Variants in LAMA1 observed in about 807,000 individuals in gnomAD.
LAMA1 encodes the protein laminin subunit alpha-1.
In LAMA1, 219 loss-of-function variants were observed where a neutral mutation model predicts 348.7. That is an observed-to-expected ratio of 0.63 (90% CI 0.56 to 0.70). LAMA1 has a LOEUF of 0.70. Ranked by LOEUF, LAMA1 falls within the 30% of genes least tolerant of loss-of-function variation. The pLI is 0.00. For missense variants in LAMA1, 3,744 were observed against 3,888.0 expected (o/e 0.96, Z 0.99); for synonymous variants, 1,487 against 1,491.0 (o/e 1.00, Z 0.06).
At chr18:7,070,947 C>T (rs1008374245) in intron 3 of LAMA1, among the ~76,000 whole-genome samples, 1 of 149,302 alleles carries the variant, frequency 6.7e-6, no homozygotes, top group Non-Finnish European at 1.5e-5. Context: ...CCAATTCTAT[C>T]AGCCACTGCA....
chr18:7,001,891 T>G (rs944354547), intron 30 of LAMA1, among the ~76,000 whole-genome samples: 9 of 152,220 alleles, frequency 5.9e-5, no homozygotes, highest in African/African-American at 1.7e-4. Flanking sequence ...TTCCCTTATA[T>G]AAACTCTAAC....
At position 6,966,073 on chromosome 18, in the gene LAMA1, T is replaced by C. The variant is rs1290564373; in HGVS notation, c.7050+74A>G. 3.3e-6 allele frequency: 5 copies of C among 1,537,762 alleles called. No homozygotes were observed. The Admixed American group carries it at 8.5e-5, about 26-fold the overall frequency. ...TACATATTTAATTAGTAAATCCTCA[T>C]TAAACATAAACAACCACATAGCAAT... On this transcript the variant is annotated intron_variant, in intron 49 of 62. Coordinates refer to ENST00000389658, the MANE Select transcript of LAMA1 (RefSeq NM_005559.4).
chr18:7,055,086 C>T (rs1437029038), intron 3 of LAMA1, among the ~76,000 whole-genome samples: 3 of 151,660 alleles, frequency 2.0e-5, no homozygotes, highest in African/African-American at 7.3e-5. Flanking sequence ...TTGGCACTCC[C>T]AACCCTCAAG....
At chr18:7,069,457 C>G (rs924121007) in intron 3 of LAMA1, among the ~76,000 whole-genome samples, 4 of 152,174 alleles carry the variant, frequency 2.6e-5, no homozygotes, top group Non-Finnish European at 5.9e-5. Context: ...AGTTTTAAAA[C>G]AGGCCTCAAA....
intron 58 of LAMA1, 78 bp from the exon 59 acceptor site, chr18:6,949,337 G>A: frequency 2.2e-6 from 3 of 1,348,038 alleles, no homozygotes; most frequent in Admixed American, 1.7e-5. Flanking sequence ...TTTAACAGAT[G>A]CAACATCTGT....
Position 7,042,218 on chromosome 18 carries a change from G to C in LAMA1, c.1188C>G (p.Pro396=), listed in dbSNP as rs746208332. ...GGGACCCCACAGGGTCACAATTACA[G>C]GGGCGGCAAGGCTCATCCTCATAAG... ...VSPYEDEPCR[P]CNCDPVGSLS... is the part of the protein sequence containing the mutation. Residue 396 remains proline, a synonymous_variant, in exon 9 of 63, where the codon CCC becomes CCG. Coordinates refer to ENST00000389658, the MANE Select transcript of LAMA1 (RefSeq NM_005559.4). 1.2e-6 allele frequency: 2 copies of C among 1,611,726 alleles called. No individual in the cohort carries two copies. The highest frequency in any genetic ancestry group is 3.3e-5 in the Admixed American group (2 of 59,826).
At chr18:7,117,552 G>A (rs2058362715) in intron 1 of LAMA1, 108 bp downstream of exon 1, 5 of 1,192,836 alleles carry the variant, frequency 4.2e-6, no homozygotes, top group Non-Finnish European at 5.9e-6. Flanking sequence ...GGTGGATCAG[G>A]ATGCGCGCCC....
intron 3 of LAMA1, among the ~76,000 whole-genome samples, chr18:7,074,165 C>A (rs1208174286): frequency 6.6e-6 from 1 of 152,104 alleles, no homozygotes; most frequent in Non-Finnish European, 1.5e-5. Flanking sequence ...TAACACTGTG[C>A]CATTTTACAT....
chr18:6,964,978 A>C (rs896499250), intron 50 of LAMA1, among the ~76,000 whole-genome samples, 175 bp from the exon 51 acceptor site: 6 of 152,234 alleles, frequency 3.9e-5, no homozygotes, highest in East Asian at 1.9e-4. Context: ...CCTCTCTATC[A>C]AAGTCAATAC....
intron 3 of LAMA1, among the ~76,000 whole-genome samples, chr18:7,078,986 A>AAAAAATAAAAAAT (rs1036088525): frequency 5.9e-5 from 9 of 152,110 alleles, no homozygotes; most frequent in Non-Finnish European, 1.2e-4. Flanking sequence ...ACTTTGTCTC[A>AAAAAATAAAAAAT]AAAAATAAAA....
chr18:7,027,800 G>A (rs500515), intron 16 of LAMA1, among the ~76,000 whole-genome samples: 2,714 of 152,090 alleles, frequency 0.018, 79 homozygotes, highest in African/African-American at 0.061. Flanking sequence ...AAAATTAGCC[G>A]GGCGTGGTGG....
chr18:6,959,770 A>G (rs1462872958), intron 53 of LAMA1: 5 of 401,614 alleles, frequency 1.2e-5, no homozygotes, highest in Non-Finnish European at 2.3e-5. Flanking sequence ...ATTAGATACC[A>G]ATAAGTAGAT....
Position 7,016,689 on chromosome 18 carries a change from G to T in LAMA1, c.2809-18C>A. Reference sequence around the variant, plus strand: ...TAGCCATGCTGTTTCACCAAAGGGGGAGAAAGTGGAAACCAACATACGTTT... The same window carrying T: ...TAGCCATGCTGTTTCACCAAAGGGGTAGAAAGTGGAAACCAACATACGTTT... On this transcript the variant is annotated intron_variant, in intron 20 of 62. Coordinates refer to ENST00000389658, the MANE Select transcript of LAMA1 (RefSeq NM_005559.4). The T allele has an allele frequency of 6.2e-7, 1 of 1,603,268 alleles. No homozygotes were observed. Among genetic ancestry groups the T allele is most frequent in the Non-Finnish European group, 8.5e-7 (1 of 1,174,730 alleles).
At chr18:7,088,174 G>A (rs1205811682) in intron 1 of LAMA1, among the ~76,000 whole-genome samples, 3 of 152,118 alleles carry the variant, frequency 2.0e-5, no homozygotes, top group East Asian at 1.9e-4. Flanking sequence ...TCAGCTCAGG[G>A]GCTCGTCAAG....
At position 7,098,360 on chromosome 18, in the gene LAMA1, T is replaced by G. The variant is rs1307302304; in HGVS notation, c.62-17903A>C. Among the ~76,000 whole-genome samples, 4 of 148,598 alleles carry G rather than the reference T, an allele frequency of 2.7e-5. No homozygotes were observed. In the East Asian group the frequency reaches 8.3e-4, roughly 31 times the overall value. On this transcript the variant is annotated intron_variant, in intron 1 of 62. Coordinates refer to ENST00000389658, the MANE Select transcript of LAMA1 (RefSeq NM_005559.4). ...CTGCCTGGCTGCCCAGTCTGGAAAG[T>G]GAGGAGCGTCTCCGCCCGGCCGCCA...
At chr18:7,111,953 T>C (rs1179409264) in intron 1 of LAMA1, among the ~76,000 whole-genome samples, 2 of 152,216 alleles carry the variant, frequency 1.3e-5, no homozygotes, top group Admixed American at 1.3e-4. Context: ...GTACCTGCCA[T>C]AGTGTTCCAG....
At position 6,958,382 on chromosome 18, in the gene LAMA1, A is replaced by G. The variant is rs16950879; in HGVS notation, c.7964+95T>C. 4.2e-3 allele frequency: 5,839 copies of G among 1,402,426 alleles called. 182 individuals are homozygous for G. The African/African-American group carries it at 0.072, about 17-fold the overall frequency. 86.9% of individuals were successfully genotyped at this position (1,402,426 alleles called of 1,614,324 possible). On this transcript the variant is annotated intron_variant, in intron 55 of 62. Transcript: ENST00000389658. ...TTATTTGGGAATTTGCAAAGTTTTC[A>G]ATCTCAAACAGTACAATGAGATTTC... is the stretch of plus-strand genomic sequence containing the variant.
chr18:6,954,966 T>TAAAA, intron 57 of LAMA1: 1 of 329,664 alleles, frequency 3.0e-6, no homozygotes. Flanking sequence ...CACTCGGGAT[T>TAAAA]TTGGCCACCA....
At position 7,024,410 on chromosome 18, in the gene LAMA1, G is replaced by T. The variant is rs555661808; in HGVS notation, c.2459C>A (p.Ala820Asp). Residue 820 changes from alanine to aspartate, a missense_variant, in exon 18 of 63, where the codon GCC (alanine) becomes GAC (aspartate). Physicochemically the swap from Ala to Asp is moderately radical, Grantham distance 126. Around this residue, in one of 3 missense-constraint regions of LAMA1, gnomAD observed 1,529 missense variants for 1,689.4 expected, o/e 0.91. Coordinates refer to ENST00000389658, the MANE Select transcript of LAMA1 (RefSeq NM_005559.4). ...DGDEVVCDWC[A>D]PGYSGAWCER... is the part of the protein sequence containing the mutation. The stretch of plus-strand genomic sequence containing the variant: ...ACACCAAGCTCCTGAGTAGCCCGGG[G>T]CACACCAGTCACAGACCACTTCATC... 6.2e-7 allele frequency: 1 copy of T among 1,614,036 alleles called. No homozygotes were observed. Among genetic ancestry groups the T allele is most frequent in the South Asian group, 1.1e-5 (1 of 91,062 alleles).
Sources: allele counts gnomAD v4.1 joint callset (sites outside exome capture counted in the v4.1 genomes callset), GRCh38; gene constraint gnomAD v4.1.1; regional missense constraint gnomAD v4.1.1; transcripts MANE v1.5; gene names NCBI Gene and HGNC (gene_info 2026-07-23, HGNC 2026-07-21).